RAB9A: variants seen among roughly 807,000 people sequenced by gnomAD.
RAB9A encodes the protein RAB9A, member RAS oncogene family.
RAB9A carries 1 observed loss-of-function variant against 10.3 expected under a neutral mutation model. That is an observed-to-expected ratio of 0.10 (90% CI 0.03 to 0.46). The LOEUF (loss-of-function observed/expected upper bound fraction) is 0.46, where lower values mean the gene tolerates loss of function less well. RAB9A is among the 20% of genes least tolerant of loss of function. The pLI is 0.96. For synonymous variants in RAB9A, 39 were observed against 55.2 expected (o/e 0.71, Z 1.30); for missense variants, 92 against 150.3 (o/e 0.61, Z 2.03).
chrX:13,707,924 T>G (rs1011608000), intron 2 of RAB9A, among the ~76,000 whole-genome samples: 6 of 111,985 alleles, frequency 5.4e-5, no homozygotes, highest in African/African-American at 1.9e-4. Flanking sequence ...ACAGCACCTG[T>G]GTCTGAAGAG....
intron 1 of RAB9A, among the ~76,000 whole-genome samples, chrX:13,691,659 CAAAAAA>C (rs765886332): frequency 6.3e-5 from 1 of 15,924 alleles, no homozygotes; most frequent in East Asian, 2.7e-3. Context: ...GACTCCATCT[CAAAAAA>C]AAAAAAAAAA....
chrX:13,690,268 C>T (rs778774529), intron 1 of RAB9A, among the ~76,000 whole-genome samples: 8 of 111,989 alleles, frequency 7.1e-5, no homozygotes, highest in African/African-American at 2.6e-4. Context: ...AAGAAGCCAG[C>T]CTTTAGTTTT....
intron 1 of RAB9A, among the ~76,000 whole-genome samples, chrX:13,699,063 A>G (rs1479084921): frequency 9.0e-6 from 1 of 111,549 alleles, no homozygotes; most frequent in Non-Finnish European, 1.9e-5. Flanking sequence ...TAAAATCTCA[A>G]GTTTTGAGAA....
intron 1 of RAB9A, among the ~76,000 whole-genome samples, chrX:13,701,727 C>G (rs1175380545): frequency 9.0e-6 from 1 of 111,254 alleles, no homozygotes; most frequent in Non-Finnish European, 1.9e-5. Flanking sequence ...TGAGGTCTAG[C>G]TGCATCCACA....
chrX:13,703,657 T>C (rs1346053053), intron 1 of RAB9A, 157 bp from the exon 2 acceptor site: 2 of 111,911 alleles, frequency 1.8e-5, no homozygotes, highest in East Asian at 2.8e-4. Flanking sequence ...ATTTGATCTG[T>C]AGGACTAGGA....
intron 1 of RAB9A, 109 bp downstream of exon 1, chrX:13,689,397 G>T (rs1025129126): frequency 8.9e-6 from 1 of 112,476 alleles, no homozygotes; most frequent in African/African-American, 3.2e-5. Flanking sequence ...GTGCGCGCGG[G>T]GCTAGCGCGG....
At chrX:13,702,328 A>C (rs2046177864) in intron 1 of RAB9A, among the ~76,000 whole-genome samples, 1 of 111,110 alleles carries the variant, frequency 9.0e-6, no homozygotes, top group South Asian at 3.8e-4. Flanking sequence ...CCCTGGGTCA[A>C]ATCTCCCTCC....
intron 1 of RAB9A, among the ~76,000 whole-genome samples, chrX:13,694,522 C>T (rs1443140189): frequency 8.9e-6 from 1 of 111,970 alleles, no homozygotes; most frequent in African/African-American, 3.3e-5. Context: ...CCTGGAAAAC[C>T]TAGCTTCATG....
At chrX:13,694,717 G>GT (rs2046140116) in intron 1 of RAB9A, among the ~76,000 whole-genome samples, 1 of 111,963 alleles carries the variant, frequency 8.9e-6, no homozygotes, top group African/African-American at 3.3e-5. Context: ...AGGATTAGAA[G>GT]TTGGTATTAT....
intron 1 of RAB9A, among the ~76,000 whole-genome samples, chrX:13,699,331 A>G (rs1283541803): frequency 8.9e-6 from 1 of 112,309 alleles, no homozygotes; most frequent in Non-Finnish European, 1.9e-5. Context: ...GAATAATAAT[A>G]GAATAACAAG....
At chrX:13,691,897 C>G (rs1325706134) in intron 1 of RAB9A, among the ~76,000 whole-genome samples, 1 of 109,619 alleles carries the variant, frequency 9.1e-6, no homozygotes, top group African/African-American at 3.3e-5. Flanking sequence ...AGCTTACAGT[C>G]CAATCACAGT....
chrX:13,710,446 AC>A lies in RAB9A; in HGVS notation c.*1095del, dbSNP rs1286764881. 8.1e-6 allele frequency: 1 copy of A among 123,642 alleles called. No homozygotes were observed. Among genetic ancestry groups the A allele is most frequent in the Non-Finnish European group, 1.9e-5 (1 of 53,345 alleles). 10.2% of individuals were successfully genotyped at this position (123,642 alleles called of 1,213,427 possible). ...CAAGGAGATTTTTTGTTAGAAAAAG[AC>A]TTGTTGCAGTGATCAGACTTGATAA... is the stretch of plus-strand genomic sequence containing the variant. On this transcript the variant is annotated 3_prime_UTR_variant, in exon 3 of 3. Coordinates refer to ENST00000464506, the MANE Select transcript of RAB9A (RefSeq NM_004251.5).
intron 2 of RAB9A, among the ~76,000 whole-genome samples, chrX:13,707,311 A>G (rs1009027800): frequency 8.9e-6 from 1 of 112,113 alleles, no homozygotes; most frequent in Non-Finnish European, 1.9e-5. Context: ...AGATTAAATG[A>G]TATAATCTGA....
At chrX:13,695,395 G>A (rs2046143062) in intron 1 of RAB9A, among the ~76,000 whole-genome samples, 1 of 111,931 alleles carries the variant, frequency 8.9e-6, no homozygotes, top group South Asian at 3.7e-4. Flanking sequence ...ACCTGGGGAA[G>A]TTTGTGGACT....
chrX:13,701,470 A>T (rs2046173405), intron 1 of RAB9A, among the ~76,000 whole-genome samples: 1 of 111,458 alleles, frequency 9.0e-6, no homozygotes, highest in South Asian at 3.8e-4. Context: ...TGATAATAGT[A>T]TGGGTATGCA....
At chrX:13,705,088 T>C (rs1285328157) in intron 2 of RAB9A, among the ~76,000 whole-genome samples, 2 of 112,061 alleles carry the variant, frequency 1.8e-5, no homozygotes, top group African/African-American at 6.5e-5. Context: ...ATTTAACTTA[T>C]ACTAAAGAAA....
At chrX:13,689,485 C>A (rs1432727162) in intron 1 of RAB9A, among the ~76,000 whole-genome samples, 197 bp downstream of exon 1, 1 of 111,888 alleles carries the variant, frequency 8.9e-6, no homozygotes, top group Non-Finnish European at 1.9e-5. Flanking sequence ...AAGACGGTCC[C>A]CACACCCTTG....
chrX:13,699,862 A>T, intron 1 of RAB9A, among the ~76,000 whole-genome samples: 1 of 112,433 alleles, frequency 8.9e-6, no homozygotes, highest in Non-Finnish European at 1.9e-5. Flanking sequence ...TAATAAATAA[A>T]TGAATTTAGT....
At chrX:13,697,744 A>T (rs2046153500) in intron 1 of RAB9A, among the ~76,000 whole-genome samples, 1 of 112,129 alleles carries the variant, frequency 8.9e-6, no homozygotes, top group South Asian at 3.7e-4. Flanking sequence ...GGCATGTAGC[A>T]ATCAGTTCTT....
Sources: allele counts gnomAD v4.1 joint callset (sites outside exome capture counted in the v4.1 genomes callset), GRCh38; gene constraint gnomAD v4.1.1; transcripts MANE v1.5; gene names NCBI Gene and HGNC (gene_info 2026-07-23, HGNC 2026-07-21).